The following STAT4 variants were observed in gnomAD, a reference collection of about 807,000 sequenced individuals.
STAT4 encodes the protein signal transducer and activator of transcription 4.
In STAT4, 42 loss-of-function variants were observed where a neutral mutation model predicts 110.5. The ratio of observed to expected loss-of-function variants is 0.38; its 90% confidence interval spans 0.30 to 0.49. The LOEUF (loss-of-function observed/expected upper bound fraction) is 0.49, where lower values mean the gene tolerates loss of function less well. Ranked by LOEUF, STAT4 falls within the 20% of genes least tolerant of loss-of-function variation. The pLI is 0.95. For synonymous variants in STAT4, 284 were observed against 302.2 expected, an observed-to-expected ratio of 0.94 and a Z score of 0.63; for missense variants, 632 against 887.9, an observed-to-expected ratio of 0.71 and a Z score of 3.66.
In STAT4 at chr2:191,112,013, A is replaced by T. The variant is rs1392498801; in HGVS notation, c.273+34600T>A. On this transcript the variant is annotated intron_variant, in intron 3 of 23. Transcript: ENST00000392320. The surrounding 1 kb of genome is among the most constrained non-coding windows in gnomAD (Gnocchi z 4.3). ...GGTAGGAGGGAGGGATTAGGAAGGG[A>T]CATGAGGAAACTTTCAAGGGTGCTG... Among the ~76,000 whole-genome samples, 3 of 152,154 alleles carry T rather than the reference A, an allele frequency of 2.0e-5. No homozygotes were observed. The East Asian group carries it at 5.8e-4, about 29-fold the overall frequency.
In STAT4 at chr2:191,146,614, T is replaced by C. The variant is rs773503051; in HGVS notation, c.272A>G (p.Gln91Arg). 5.2e-6 allele frequency: 8 copies of C among 1,530,186 alleles called. No homozygotes were observed. Among genetic ancestry groups the C allele is most frequent in the Admixed American group, 2.1e-5 (1 of 46,806 alleles). The allele number at this position is 1,530,186 out of a possible 1,614,324, so 94.8% of individuals were successfully genotyped here. ...TGGAAAAGTAGAATGCATTCTTACC[T>C]GAAGGACCTTCCTAATTCTTTTTAG... ...HNLKRIRKVL[Q>R]GKFHGNPMHV... Residue 91 changes from glutamine to arginine, a missense_variant and splice_region_variant, in exon 3 of 24, where the codon CAG (glutamine) becomes CGG (arginine). Around this residue, in one of 4 missense-constraint regions of STAT4, gnomAD observed 488 missense variants for 632.8 expected, o/e 0.77. Coordinates refer to ENST00000392320, the MANE Select transcript of STAT4 (RefSeq NM_003151.4). The surrounding 1 kb of genome is among the most constrained non-coding windows in gnomAD (Gnocchi z 4.5).
chr2:191,144,809 C>T lies in STAT4; in HGVS notation c.273+1804G>A, dbSNP rs1379982784. On this transcript the variant is annotated intron_variant, in intron 3 of 23. Transcript: ENST00000392320. The surrounding 1 kb of genome is among the most constrained non-coding windows in gnomAD (Gnocchi z 4.7). ...TCATTTATTGAATGCCTACATCTTG[C>T]CAGAAGAAAAGCTCCAGACTTCCTC... Among the ~76,000 whole-genome samples, 1 of 152,062 alleles carries T rather than the reference C, an allele frequency of 6.6e-6. No individual in the cohort carries two copies. The highest frequency in any genetic ancestry group is 1.5e-5 in the Non-Finnish European group (1 of 67,986).
Position 191,031,402 on chromosome 2 carries a change from A to G in STAT4, c.2111+48T>C, listed in dbSNP as rs1229490670. ...TCTGCTCTACCTTTAAATCTCCTAT[A>G]GGAAAGCTTTTTATAAAAATATTTC... On this transcript the variant is annotated intron_variant, in intron 22 of 23. Transcript: ENST00000392320. The surrounding 1 kb of genome is among the most constrained non-coding windows in gnomAD (Gnocchi z 4.8). The G allele has an allele frequency of 3.8e-6, 6 of 1,575,970 alleles. No individual in the cohort carries two copies. Among genetic ancestry groups the G allele is most frequent in the African/African-American group, 1.4e-5 (1 of 73,592 alleles).
intron 4 of STAT4, among the ~76,000 whole-genome samples, chr2:191,075,724 C>T (rs1359329542): frequency 2.0e-5 from 3 of 151,834 alleles, no homozygotes; most frequent in African/African-American, 7.3e-5. Flanking sequence ...AAAGGAACTA[C>T]GCAAAGATGA....
Position 191,033,497 on chromosome 2 carries a change from A to C in STAT4, c.1845T>G (p.Ser615=). ...GGITFTWVDH[S]ESGEVRFHSV... is the part of the protein sequence containing the mutation. ...ACATTAGTGAGTATATACCACTTTC[A>C]GAATGGTCCACCCAGGTGAAAGTTA... The change falls in exon 20 of 24, where the codon TCT becomes TCG. Residue 615 remains serine (S), a synonymous_variant. Transcript: ENST00000392320. The surrounding 1 kb of genome is among the most constrained non-coding windows in gnomAD (Gnocchi z 6.9). The C allele has an allele frequency of 6.2e-7, 1 of 1,610,854 alleles. No homozygotes were observed. Among genetic ancestry groups the C allele is most frequent in the Non-Finnish European group, 8.5e-7 (1 of 1,179,126 alleles).
rs534227364 is a variant in STAT4, at chr2:191,053,104, T to C, written c.1251+1386A>G. On this transcript the variant is annotated intron_variant, in intron 14 of 23. Coordinates refer to ENST00000392320, the MANE Select transcript of STAT4 (RefSeq NM_003151.4). The surrounding 1 kb of genome is among the most constrained non-coding windows in gnomAD (Gnocchi z 4.5). Reference sequence around the variant, plus strand: ...TCTTTTGTGATGGATCTTTATGGTTTTGTGAGGTGTGATAAATTGGATGTC... The same window carrying C: ...TCTTTTGTGATGGATCTTTATGGTTCTGTGAGGTGTGATAAATTGGATGTC... 1.3e-5 allele frequency among the ~76,000 whole-genome samples: 2 copies of C among 152,310 alleles called. No homozygotes were observed. Among genetic ancestry groups the C allele is most frequent in the Admixed American group, 1.3e-4 (2 of 15,308 alleles).
At chr2:191,069,847 A>T (rs1697093762) in intron 5 of STAT4, 76 bp from the exon 6 acceptor site, 3 of 1,192,514 alleles carry the variant, frequency 2.5e-6, no homozygotes, top group Middle Eastern at 2.0e-4. Flanking sequence ...TAAGTATTTT[A>T]AAAAACTGCT....
At chr2:191,098,448 T>C (rs1401939155) in intron 3 of STAT4, among the ~76,000 whole-genome samples, 1 of 152,044 alleles carries the variant, frequency 6.6e-6, no homozygotes, top group Non-Finnish European at 1.5e-5. Context: ...AAAGGATGAG[T>C]TCATGTCCTT....
chr2:191,054,473 G>A lies in STAT4; in HGVS notation c.1251+17C>T, dbSNP rs774824536. ...ATCTGTTTCCAGAAAAATTCTATAG[G>A]AGAAAACATTTCCTACCTCATTTCC... is the stretch of plus-strand genomic sequence containing the variant. On this transcript the variant is annotated intron_variant, in intron 14 of 23. Transcript: ENST00000392320. 6.9e-6 allele frequency: 11 copies of A among 1,605,060 alleles called. No individual in the cohort carries two copies. The highest frequency in any genetic ancestry group is 6.7e-5 in the East Asian group (3 of 44,720).
At chr2:191,054,908 A>AC (rs1696637249) in intron 13 of STAT4, among the ~76,000 whole-genome samples, 4 of 152,358 alleles carry the variant, frequency 2.6e-5, no homozygotes, top group Non-Finnish European at 5.9e-5. Context: ...AACCAAGTCT[A>AC]ACGAAGACTA....
chr2:191,128,347 T>C (rs1468257102), intron 3 of STAT4, among the ~76,000 whole-genome samples: 1 of 152,108 alleles, frequency 6.6e-6, no homozygotes. Flanking sequence ...TTTCTCTTTG[T>C]GTGTGGTGTA....
intron 13 of STAT4, among the ~76,000 whole-genome samples, chr2:191,055,280 G>A (rs1326008109): frequency 1.3e-5 from 2 of 151,092 alleles, no homozygotes; most frequent in Non-Finnish European, 2.9e-5. Flanking sequence ...CTCACTGCAA[G>A]CTCCACCTCC....
At chr2:191,088,753 C>A (rs1238164844) in intron 3 of STAT4, among the ~76,000 whole-genome samples, 1 of 152,144 alleles carries the variant, frequency 6.6e-6, no homozygotes, top group East Asian at 1.9e-4. Flanking sequence ...ACAGAATAGA[C>A]AGTTCTGAAA....
Position 191,112,739 on chromosome 2 carries a change from G to A in STAT4, c.273+33874C>T, listed in dbSNP as rs147053436. On this transcript the variant is annotated intron_variant, in intron 3 of 23. Transcript: ENST00000392320. This position sits in a 1 kb window ranked among gnomAD's most constrained non-coding sequence, Gnocchi z 4.3. ...ACTGAAGCCTAGGGAGGGGAAGGTC[G>A]CCCAGTTACAAATGGTAGATGTGGA... Among the ~76,000 whole-genome samples, 334 of 152,240 alleles carry A rather than the reference G, an allele frequency of 2.2e-3. 2 individuals carry two copies. The highest frequency in any genetic ancestry group is 4.3e-3 in the African/African-American group (178 of 41,544).
chr2:191,135,340 T>C lies in STAT4; in HGVS notation c.273+11273A>G, dbSNP rs928059700. 5.9e-5 allele frequency among the ~76,000 whole-genome samples: 9 copies of C among 152,210 alleles called. No homozygotes were observed. The highest frequency in any genetic ancestry group is 1.2e-4 in the African/African-American group (5 of 41,564). Reference sequence around the variant, plus strand: ...CCTGGACTCATGCAACCTAGCAAGATTGAATCAGGAAAAAAGCCCAAAAAG... The same window carrying C: ...CCTGGACTCATGCAACCTAGCAAGACTGAATCAGGAAAAAAGCCCAAAAAG... On this transcript the variant is annotated intron_variant, in intron 3 of 23. Transcript: ENST00000392320. This position sits in a 1 kb window ranked among gnomAD's most constrained non-coding sequence, Gnocchi z 4.8.
intron 14 of STAT4, among the ~76,000 whole-genome samples, chr2:191,045,664 G>A (rs892851897): frequency 3.3e-5 from 5 of 152,206 alleles, no homozygotes; most frequent in African/African-American, 1.2e-4. Flanking sequence ...GTGATGATAT[G>A]AATAACAATT....
chr2:191,068,395 C>G (rs1232775235), intron 6 of STAT4: 1 of 152,088 alleles, frequency 6.6e-6, no homozygotes, highest in African/African-American at 2.4e-5. Flanking sequence ...GCCATTTCTT[C>G]TGAATGGAAA....
At chr2:191,118,584 C>T (rs1013050252) in intron 3 of STAT4, among the ~76,000 whole-genome samples, 14 of 152,058 alleles carry the variant, frequency 9.2e-5, no homozygotes, top group Non-Finnish European at 1.5e-4. Context: ...CATGGAGATA[C>T]TTCAATTTAT....
intron 3 of STAT4, among the ~76,000 whole-genome samples, chr2:191,131,261 T>C (rs1699029438): frequency 6.6e-6 from 1 of 151,820 alleles, no homozygotes; most frequent in African/African-American, 2.4e-5. Flanking sequence ...GGACACACCA[T>C]AAGAATGTTC....
Sources: gnomAD v4.1 joint callset for allele counts (sites outside exome capture counted in the v4.1 genomes callset) on GRCh38, gnomAD v4.1.1 for gene constraint, gnomAD v4.1.1 regional missense constraint, Gnocchi (gnomAD v3.1) non-coding constraint, MANE v1.5 for transcripts, NCBI Gene and HGNC (gene_info 2026-07-23, HGNC 2026-07-21) for gene names.